The following ENOX1 variants were observed in gnomAD, a reference collection of about 807,000 sequenced individuals.
ENOX1 encodes ecto-NOX disulfide-thiol exchanger 1.
In ENOX1, 42 loss-of-function variants were observed where a neutral mutation model predicts 82.5. The observed-to-expected ratio is 0.51, with a 90% confidence interval of 0.40 to 0.66. The LOEUF (loss-of-function observed/expected upper bound fraction) is 0.66, where lower values mean the gene tolerates loss of function less well. Among genes scored for constraint, ENOX1 ranks in the 30% least tolerant of loss-of-function variants. The pLI is 0.00. For synonymous variants in ENOX1, 271 were observed against 282.2 expected (o/e 0.96, Z 0.40); for missense variants, 608 against 811.6 (o/e 0.75, Z 3.05).
intron 5 of ENOX1, among the ~76,000 whole-genome samples, chr13:43,369,843 T>C (rs759556109): frequency 6.6e-6 from 1 of 152,190 alleles, no homozygotes; most frequent in East Asian, 1.9e-4. Flanking sequence ...GTTGCCACAT[T>C]TGGAAGGTGA....
intron 11 of ENOX1, among the ~76,000 whole-genome samples, chr13:43,317,706 T>TAAA (rs144082837): frequency 6.8e-6 from 1 of 147,170 alleles, no homozygotes. Context: ...TTAGTGAAAT[T>TAAA]AAAAAAAAAA....
chr13:43,477,599 A>C (rs531315753), intron 3 of ENOX1, among the ~76,000 whole-genome samples: 1 of 152,296 alleles, frequency 6.6e-6, no homozygotes, highest in South Asian at 2.1e-4. Context: ...CACTTTTGGC[A>C]AATGAATGGT....
chr13:43,333,490 A>G (rs1428414551), intron 9 of ENOX1, among the ~76,000 whole-genome samples: 1 of 152,252 alleles, frequency 6.6e-6, no homozygotes, highest in Non-Finnish European at 1.5e-5. Context: ...ATGCTAAGTC[A>G]TCACATAGCA....
At position 43,426,358 on chromosome 13, in the gene ENOX1, G is replaced by A. The variant is rs572012647; in HGVS notation, c.-74-13370C>T. Among the ~76,000 whole-genome samples, 17 of 152,262 alleles carry A rather than the reference G, an allele frequency of 1.1e-4. No homozygotes were observed. In the South Asian group the frequency reaches 1.4e-3, roughly 13 times the overall value. The stretch of plus-strand genomic sequence containing the variant: ...TTTTATTATTTATAAAAAAGAAATC[G>A]TGCTGAATGTTCTTTGTGGGAACTG... On this transcript the variant is annotated intron_variant, in intron 3 of 16. Transcript: ENST00000690772.
chr13:43,455,744 T>A (rs1329157766), intron 3 of ENOX1, among the ~76,000 whole-genome samples: 2 of 152,116 alleles, frequency 1.3e-5, no homozygotes, highest in Admixed American at 1.3e-4. Flanking sequence ...TGGGGGGTGG[T>A]TTCCTCCATA....
intron 3 of ENOX1, among the ~76,000 whole-genome samples, chr13:43,422,450 T>A (rs1005889111): frequency 1.3e-5 from 2 of 152,186 alleles, no homozygotes; most frequent in Admixed American, 6.5e-5. Flanking sequence ...GACCCAACCA[T>A]TTCTCAAACA....
intron 14 of ENOX1, among the ~76,000 whole-genome samples, chr13:43,242,777 T>C (rs1420325460): frequency 6.6e-6 from 1 of 152,236 alleles, no homozygotes; most frequent in Non-Finnish European, 1.5e-5. Flanking sequence ...ATCTCTGGAA[T>C]TCTACTCTTT....
chr13:43,752,288 T>C (rs1474265483), intron 1 of ENOX1, among the ~76,000 whole-genome samples: 3 of 152,206 alleles, frequency 2.0e-5, no homozygotes, highest in Non-Finnish European at 4.4e-5. Flanking sequence ...TTATATATGA[T>C]TTGTCATATA....
At chr13:43,463,132 C>T (rs1364318410) in intron 3 of ENOX1, among the ~76,000 whole-genome samples, 3 of 152,316 alleles carry the variant, frequency 2.0e-5, no homozygotes, top group Non-Finnish European at 4.4e-5. Flanking sequence ...AGATCCCACA[C>T]GCTAGCAAAT....
chr13:43,690,205 A>G (rs894752604), intron 1 of ENOX1, among the ~76,000 whole-genome samples: 1 of 151,064 alleles, frequency 6.6e-6, no homozygotes, highest in African/African-American at 2.4e-5. Context: ...AGATTTTTGT[A>G]TTTAGAACAC....
intron 12 of ENOX1, among the ~76,000 whole-genome samples, chr13:43,280,030 G>A (rs1345723141): frequency 2.0e-5 from 3 of 152,206 alleles, no homozygotes; most frequent in Non-Finnish European, 4.4e-5. Context: ...AATTTGCTTG[G>A]ATTTATTTAT....
chr13:43,265,296 C>A, intron 14 of ENOX1, 102 bp downstream of exon 14: 3 of 956,126 alleles, frequency 3.1e-6, no homozygotes, highest in Non-Finnish European at 4.7e-6. Flanking sequence ...TGCTGACAGG[C>A]AGAGCTTCTG....
intron 1 of ENOX1, among the ~76,000 whole-genome samples, chr13:43,706,182 T>C (rs1429681217): frequency 1.3e-5 from 2 of 151,864 alleles, no homozygotes; most frequent in East Asian, 3.9e-4. Context: ...AAGCTTATAT[T>C]TAAAAAAGTA....
At chr13:43,524,344 C>G in intron 2 of ENOX1, among the ~76,000 whole-genome samples, 1 of 152,138 alleles carries the variant, frequency 6.6e-6, no homozygotes, top group East Asian at 1.9e-4. Context: ...ACCTCACACA[C>G]GTGTTCCTCT....
At chr13:43,576,731 T>C (rs1018284901) in intron 2 of ENOX1, among the ~76,000 whole-genome samples, 3 of 152,198 alleles carry the variant, frequency 2.0e-5, no homozygotes, top group African/African-American at 4.8e-5. Context: ...AGAAAACTAA[T>C]AAATGTGGCT....
chr13:43,474,273 T>C (rs1263596783), intron 3 of ENOX1, among the ~76,000 whole-genome samples: 2 of 152,158 alleles, frequency 1.3e-5, no homozygotes, highest in African/African-American at 4.8e-5. Flanking sequence ...CAACTGCCCT[T>C]GAAATGAAAC....
intron 1 of ENOX1, among the ~76,000 whole-genome samples, chr13:43,689,723 A>C (rs571815530): frequency 4.9e-4 from 75 of 152,358 alleles, no homozygotes; most frequent in African/African-American, 1.8e-3. Flanking sequence ...TCTTATACAC[A>C]TATGAACTTA....
chr13:43,559,009 C>T (rs1055245130), intron 2 of ENOX1, among the ~76,000 whole-genome samples: 2 of 152,316 alleles, frequency 1.3e-5, no homozygotes, highest in Non-Finnish European at 2.9e-5. Context: ...TCTCTGCAAA[C>T]CACTCGGCTT....
intron 3 of ENOX1, among the ~76,000 whole-genome samples, chr13:43,472,558 A>G (rs192401525): frequency 7.2e-4 from 110 of 152,340 alleles, no homozygotes; most frequent in Admixed American, 1.3e-3. Context: ...GCCAGATGCC[A>G]CAGCAATAAA....
Sources: gnomAD v4.1 joint callset for allele counts (sites outside exome capture counted in the v4.1 genomes callset) on GRCh38, gnomAD v4.1.1 for gene constraint, MANE v1.5 for transcripts, NCBI Gene and HGNC (gene_info 2026-07-23, HGNC 2026-07-21) for gene names.